Variants in PKNOX1 observed in about 807,000 individuals in gnomAD.
The protein encoded by PKNOX1 is PBX/knotted 1 homeobox 1.
PKNOX1 carries 15 observed loss-of-function variants against 51.9 expected under a neutral mutation model. The observed-to-expected ratio is 0.29, with a 90% CI of 0.19 to 0.45. The LOEUF (loss-of-function observed/expected upper bound fraction) is 0.45, where lower values mean the gene tolerates loss of function less well. Ranked by LOEUF, PKNOX1 falls within the 20% of genes least tolerant of loss-of-function variation. PKNOX1 has a pLI of 1.00. For missense variants in PKNOX1, 462 were observed against 547.5 expected, an observed-to-expected ratio of 0.84 and a Z score of 1.56; for synonymous variants, 219 against 211.1, an observed-to-expected ratio of 1.04 and a Z score of -0.32.
At chr21:43,008,980 C>A (rs1418404601) in intron 3 of PKNOX1, among the ~76,000 whole-genome samples, 1 of 152,154 alleles carries the variant, frequency 6.6e-6, no homozygotes. Context: ...TGAACAGACA[C>A]ATTATGGCAT....
At chr21:42,985,627 G>A (rs1047945433) in intron 1 of PKNOX1, among the ~76,000 whole-genome samples, 5 of 149,858 alleles carry the variant, frequency 3.3e-5, no homozygotes, top group African/African-American at 7.3e-5. Flanking sequence ...GAGCCACCAC[G>A]TCCGGCCAGG....
At chr21:43,028,193 C>T (rs1980065405) in intron 9 of PKNOX1, among the ~76,000 whole-genome samples, 1 of 152,188 alleles carries the variant, frequency 6.6e-6, no homozygotes, top group Non-Finnish European at 1.5e-5. Context: ...TGTGGTGAAA[C>T]AAGAGGAGGT....
chr21:43,014,917 T>A (rs1188750439), intron 5 of PKNOX1, among the ~76,000 whole-genome samples: 3 of 152,146 alleles, frequency 2.0e-5, no homozygotes, highest in Non-Finnish European at 4.4e-5. Flanking sequence ...TTGCTTAGAT[T>A]TTGATAGGAA....
chr21:43,010,840 G>C (rs755142611), intron 4 of PKNOX1, among the ~76,000 whole-genome samples: 2 of 151,480 alleles, frequency 1.3e-5, no homozygotes, highest in Non-Finnish European at 2.9e-5. Context: ...CTCCAGCCTG[G>C]GTGTCAGAGT....
chr21:43,021,197 T>A lies in PKNOX1; in HGVS notation c.721-106T>A. ...TCCCGTGCATGGGCCTCGACTACAA[T>A]CATTTCCCTGTCCGATCCTTGGCTG... On this transcript the variant is annotated intron_variant, in intron 7 of 10. Coordinates refer to ENST00000291547, the MANE Select transcript of PKNOX1 (RefSeq NM_004571.5). This position sits in a 1 kb window ranked among gnomAD's most constrained non-coding sequence, Gnocchi z 4.6. The A allele has an allele frequency of 6.5e-6, 6 of 916,812 alleles. No individual in the cohort carries two copies. The highest frequency in any genetic ancestry group is 8.2e-6 in the Non-Finnish European group (5 of 609,604). The allele number at this position is 916,812 out of a possible 1,614,324, so 56.8% of individuals were successfully genotyped here. A position where few individuals can be genotyped will look rare whatever the true frequency, so the allele number is the denominator to read the frequency against.
chr21:42,980,709 C>T (rs1880597236), intron 1 of PKNOX1, among the ~76,000 whole-genome samples: 3 of 152,170 alleles, frequency 2.0e-5, no homozygotes, highest in South Asian at 2.1e-4. Flanking sequence ...CATTTATTAG[C>T]TTAGTAACCG....
At chr21:43,029,424 G>GTTGTTTTTTTTTTTTTTTT (rs1980134694) in intron 10 of PKNOX1, among the ~76,000 whole-genome samples, 1 of 63,304 alleles carries the variant, frequency 1.6e-5, no homozygotes, top group African/African-American at 6.5e-5. Flanking sequence ...TGTTTGCTTT[G>GTTGTTTTTTTTTTTTTTTT]TTTTTTTTTT....
At chr21:42,977,329 A>G (rs1291695615) in intron 1 of PKNOX1, among the ~76,000 whole-genome samples, 1 of 152,186 alleles carries the variant, frequency 6.6e-6, no homozygotes, top group Non-Finnish European at 1.5e-5. Context: ...TGAAAGTCCT[A>G]GATGTCATCT....
intron 1 of PKNOX1, among the ~76,000 whole-genome samples, chr21:42,983,336 T>C (rs920712002): frequency 6.6e-6 from 1 of 152,080 alleles, no homozygotes; most frequent in Non-Finnish European, 1.5e-5. Context: ...CCATTCTACT[T>C]CCTGTCTCTG....
intron 1 of PKNOX1, among the ~76,000 whole-genome samples, chr21:42,975,212 G>A (rs1467486994): frequency 1.3e-5 from 2 of 148,698 alleles, no homozygotes; most frequent in East Asian, 2.0e-4. Flanking sequence ...TGCGGGGCGC[G>A]CGGCGGCGCA....
chr21:42,985,049 A>G lies in PKNOX1; in HGVS notation c.-57+10385A>G, dbSNP rs377188692. On this transcript the variant is annotated intron_variant, in intron 1 of 10. Transcript: ENST00000291547. ...GTTGCCCAGGCTGGACTGCAATGGCACGATCTCGGCTCACTGCAACCTCTG... is the reference window on the plus strand; with the variant it reads ...GTTGCCCAGGCTGGACTGCAATGGCGCGATCTCGGCTCACTGCAACCTCTG... Among the ~76,000 whole-genome samples, 8 of 123,018 alleles carry G rather than the reference A, an allele frequency of 6.5e-5. No homozygotes were observed. The South Asian group carries it at 7.8e-4, about 12-fold the overall frequency. 80.7% of individuals were successfully genotyped at this position (123,018 alleles called of 152,430 possible).
rs143734009 is a variant in PKNOX1 at position 43,007,544 on chromosome 21, C to G, written c.105C>G (p.Pro35=). Residue 35 remains proline (P), a synonymous_variant, in exon 3 of 11, where the codon CCC becomes CCG. Transcript: ENST00000291547. Reference sequence around the variant, plus strand: ...AACAAGATCCAAACTGCTCTGAACCCGATGCAGAAGGAGTGAGCCCTCCCC... The same window carrying G: ...AACAAGATCCAAACTGCTCTGAACCGGATGCAGAAGGAGTGAGCCCTCCCC... The part of the protein sequence containing the change: ...KTEQDPNCSE[P]DAEGVSPPPV... 7 of 1,613,798 alleles carry G rather than the reference C, an allele frequency of 4.3e-6. No homozygotes were observed. Among genetic ancestry groups the G allele is most frequent in the Non-Finnish European group, 5.9e-6 (7 of 1,179,864 alleles).
Position 43,032,022 on chromosome 21 carries a change from C to T in PKNOX1, c.*1921C>T, listed in dbSNP as rs578154040. 8.9e-5 allele frequency: 33 copies of T among 370,474 alleles called. No individual in the cohort carries two copies. The highest frequency in any genetic ancestry group is 2.5e-4 in the South Asian group (13 of 51,042). 22.9% of individuals were successfully genotyped at this position (370,474 alleles called of 1,614,324 possible). ...GATTACAGGCATGCGCCACCACACC[C>T]GGCTAATTTTGTATTTTTAGTAGAG... On this transcript the variant is annotated 3_prime_UTR_variant, in exon 11 of 11. Coordinates refer to ENST00000291547, the MANE Select transcript of PKNOX1 (RefSeq NM_004571.5).
rs1316632944 is a variant in PKNOX1 at position 43,030,102 on chromosome 21, G to T, written c.*1G>T. On this transcript the variant is annotated 3_prime_UTR_variant, in exon 11 of 11. Coordinates refer to ENST00000291547, the MANE Select transcript of PKNOX1 (RefSeq NM_004571.5). ...GGAGAACAGTGACTCCCTGCAGTAGGGGCAGGAGCAGACGCACCTGACTTT... is the reference window on the plus strand; with the variant it reads ...GGAGAACAGTGACTCCCTGCAGTAGTGGCAGGAGCAGACGCACCTGACTTT... 1.3e-6 allele frequency: 2 copies of T among 1,583,204 alleles called. No individual in the cohort carries two copies. Among genetic ancestry groups the T allele is most frequent in the South Asian group, 2.3e-5 (2 of 88,826 alleles).
chr21:42,997,851 G>A (rs915889664), intron 1 of PKNOX1, among the ~76,000 whole-genome samples: 11 of 152,200 alleles, frequency 7.2e-5, no homozygotes, highest in Admixed American at 5.9e-4. Context: ...AACCTGGCAT[G>A]CTGGGGAAGC....
intron 1 of PKNOX1, among the ~76,000 whole-genome samples, chr21:42,984,579 G>C (rs1206903992): frequency 6.6e-6 from 1 of 152,006 alleles, no homozygotes; most frequent in African/African-American, 2.4e-5. Context: ...GTAGAGACAG[G>C]GTCTCTCCAT....
At chr21:43,011,182 C>T (rs956178850) in intron 4 of PKNOX1, among the ~76,000 whole-genome samples, 1 of 151,454 alleles carries the variant, frequency 6.6e-6, no homozygotes, top group African/African-American at 2.4e-5. Flanking sequence ...ATTCTCCTGC[C>T]TCAGCCTCCC....
intron 5 of PKNOX1, among the ~76,000 whole-genome samples, chr21:43,014,001 G>C (rs941451312): frequency 6.7e-6 from 1 of 148,992 alleles, no homozygotes; most frequent in South Asian, 2.1e-4. Context: ...TAAAATGTCT[G>C]CTGCTTATGT....
At chr21:43,019,762 G>A (rs432481) in intron 7 of PKNOX1, among the ~76,000 whole-genome samples, 135,882 of 151,868 alleles carry the variant, frequency 0.89, 60,913 homozygotes, top group Non-Finnish European at 0.91. Context: ...GTCTGGTCTC[G>A]AAATCCTGGG....
Sources: gnomAD v4.1 joint callset for allele counts (sites outside exome capture counted in the v4.1 genomes callset) on GRCh38, gnomAD v4.1.1 for gene constraint, Gnocchi (gnomAD v3.1) non-coding constraint, MANE v1.5 for transcripts, NCBI Gene and HGNC (gene_info 2026-07-23, HGNC 2026-07-21) for gene names.